The following PRUNE2 variants were observed in gnomAD, a reference collection of about 807,000 sequenced individuals.
PRUNE2 encodes the protein protein prune homolog 2.
PRUNE2 carries 164 observed loss-of-function variants against 252.0 expected under a neutral mutation model. The ratio of observed to expected loss-of-function variants is 0.65; its 90% CI spans 0.57 to 0.74. The LOEUF (loss-of-function observed/expected upper bound fraction) is 0.74, where lower values mean the gene tolerates loss of function less well. Ranked by LOEUF, PRUNE2 falls within the 30% of genes least tolerant of loss-of-function variation. The pLI is 0.00. For synonymous variants in PRUNE2, 1,292 were observed against 1,350.2 expected (o/e 0.96, Z 0.94); for missense variants, 3,495 against 3,711.0 (o/e 0.94, Z 1.51).
intron 1 of PRUNE2, among the ~76,000 whole-genome samples, chr9:76,896,212 A>C (rs2062813459): frequency 6.6e-6 from 1 of 152,236 alleles, no homozygotes; most frequent in South Asian, 2.1e-4. Context: ...AGGTTGGTGA[A>C]CACTGTGTCA....
At chr9:76,788,207 T>C (rs1039343368) in intron 6 of PRUNE2, 1 of 478,934 alleles carries the variant, frequency 2.1e-6, no homozygotes, top group Non-Finnish European at 3.7e-6. Context: ...TAGGTAATAA[T>C]TTCCCTAGTT....
chr9:76,725,070 C>T (rs1388898197), intron 6 of PRUNE2, among the ~76,000 whole-genome samples: 1 of 152,134 alleles, frequency 6.6e-6, no homozygotes, highest in African/African-American at 2.4e-5. Flanking sequence ...TTGTTTTGAG[C>T]CATGAGCCTG....
intron 9 of PRUNE2, chr9:76,691,968 C>T (rs373933195): frequency 5.5e-4 from 369 of 672,758 alleles, no homozygotes; most frequent in African/African-American, 5.4e-3. Flanking sequence ...CCGTCTCCCC[C>T]GCCAACTTCC....
intron 15 of PRUNE2, among the ~76,000 whole-genome samples, chr9:76,633,452 A>G (rs151092075): frequency 2.9e-4 from 44 of 151,952 alleles, no homozygotes; most frequent in Middle Eastern, 6.8e-3. Context: ...GTGGTGGTAC[A>G]TATCTGTGGT....
chr9:76,700,567 G>C (rs620737), intron 9 of PRUNE2, among the ~76,000 whole-genome samples: 119,076 of 152,142 alleles, frequency 0.78, 46,873 homozygotes, highest in East Asian at 0.94. Flanking sequence ...TAAGCCCCTT[G>C]AGGAGTGCCT....
intron 6 of PRUNE2, among the ~76,000 whole-genome samples, chr9:76,799,486 T>C (rs1285802881): frequency 6.6e-6 from 1 of 152,198 alleles, no homozygotes; most frequent in African/African-American, 2.4e-5. Context: ...CTTAATTTAA[T>C]ATTGAACAAG....
intron 9 of PRUNE2, among the ~76,000 whole-genome samples, chr9:76,696,144 C>A (rs369613034): frequency 6.6e-5 from 10 of 152,122 alleles, no homozygotes; most frequent in African/African-American, 2.4e-4. Flanking sequence ...GGTTCAGAAC[C>A]GGCAGCTTGG....
chr9:76,679,155 G>A (rs976671160), intron 9 of PRUNE2, among the ~76,000 whole-genome samples: 1 of 152,202 alleles, frequency 6.6e-6, no homozygotes, highest in Admixed American at 6.5e-5. Flanking sequence ...TACTTAGAAA[G>A]TTGTTGTAAG....
intron 17 of PRUNE2, among the ~76,000 whole-genome samples, chr9:76,622,134 A>ACTGT (rs1832628798): frequency 6.6e-6 from 1 of 151,934 alleles, no homozygotes; most frequent in Admixed American, 6.5e-5. Flanking sequence ...CAATGAACTG[A>ACTGT]ATGTTATGCA....
intron 6 of PRUNE2, among the ~76,000 whole-genome samples, chr9:76,780,488 C>T (rs991702274): frequency 1.1e-4 from 16 of 152,094 alleles, no homozygotes; most frequent in African/African-American, 3.4e-4. Context: ...GAGATCAAGA[C>T]CATCCTGGCT....
intron 3 of PRUNE2, 125 bp downstream of exon 3, chr9:76,850,338 T>C (rs2059892412): frequency 1.3e-6 from 1 of 746,822 alleles, no homozygotes; most frequent in Admixed American, 2.4e-5. Flanking sequence ...TGAGCCACCA[T>C]GACCAGCATG....
At chr9:76,630,508 C>T (rs187588914) in intron 15 of PRUNE2, among the ~76,000 whole-genome samples, 11 of 152,212 alleles carry the variant, frequency 7.2e-5, no homozygotes, top group South Asian at 4.1e-4. Context: ...TGGTCTTATG[C>T]ATTTCTGAAG....
intron 9 of PRUNE2, among the ~76,000 whole-genome samples, chr9:76,695,428 T>G (rs12339538): frequency 8.7e-4 from 133 of 152,288 alleles, no homozygotes; most frequent in African/African-American, 3.2e-3. Flanking sequence ...CACACCTATT[T>G]TCTCCCCATG....
chr9:76,850,875 C>G (rs1317761242), intron 2 of PRUNE2, among the ~76,000 whole-genome samples: 1 of 151,810 alleles, frequency 6.6e-6, no homozygotes, highest in Non-Finnish European at 1.5e-5. Context: ...CTCTTGTTAC[C>G]CTACTTGAAA....
chr9:76,901,699 T>C (rs1210062644), intron 1 of PRUNE2, among the ~76,000 whole-genome samples: 1 of 152,230 alleles, frequency 6.6e-6, no homozygotes, highest in African/African-American at 2.4e-5. Context: ...TTCTTGTCCC[T>C]ATGGCACATA....
At chr9:76,842,600 T>C (rs2059451182) in intron 4 of PRUNE2, among the ~76,000 whole-genome samples, 1 of 152,168 alleles carries the variant, frequency 6.6e-6, no homozygotes, top group African/African-American at 2.4e-5. Flanking sequence ...AAAGGGCTAA[T>C]ATCCAGAATC....
rs759622883 is a variant in PRUNE2 at position 76,708,884 on chromosome 9, T to C, written c.3390A>G (p.Ser1130=). The C allele has an allele frequency of 3.1e-6, 5 of 1,611,732 alleles. No individual in the cohort carries two copies. The highest frequency in any genetic ancestry group is 4.2e-6 in the Non-Finnish European group (5 of 1,177,840). The change falls in exon 8 of 19, where the codon TCA becomes TCG. Residue 1130 remains serine (S), a synonymous_variant. Transcript: ENST00000376718. ...LEDTQSTATI[S]DMDNDLDWDD... is the part of the protein sequence containing the mutation. The stretch of plus-strand genomic sequence containing the variant: ...CCCAGTCCAAATCATTGTCCATATC[T>C]GAGATCGTTGCAGTGGACTGAGTAT...
chr9:76,656,693 G>C (rs1849371668), intron 9 of PRUNE2, among the ~76,000 whole-genome samples: 1 of 152,164 alleles, frequency 6.6e-6, no homozygotes, highest in African/African-American at 2.4e-5. Context: ...CATTCTCGTG[G>C]TGGAGTTGGG....
chr9:76,781,819 C>T (rs918089832), intron 6 of PRUNE2, among the ~76,000 whole-genome samples: 3 of 152,192 alleles, frequency 2.0e-5, no homozygotes, highest in Non-Finnish European at 2.9e-5. Context: ...ACCTTTCATC[C>T]TGCTGGACTC....
Sources: gnomAD v4.1 joint callset for allele counts (sites outside exome capture counted in the v4.1 genomes callset) on GRCh38, gnomAD v4.1.1 for gene constraint, MANE v1.5 for transcripts, NCBI Gene and HGNC (gene_info 2026-07-23, HGNC 2026-07-21) for gene names.